Variants in APOB observed in about 807,000 individuals in gnomAD.
The protein encoded by APOB is apolipoprotein B.
APOB carries 153 observed loss-of-function variants against 314.1 expected under a neutral mutation model. The observed-to-expected ratio is 0.49, with a 90% confidence interval of 0.43 to 0.56. APOB has a LOEUF of 0.56. Ranked by LOEUF, APOB falls within the 20% of genes least tolerant of loss-of-function variation. The pLI is 0.00. For synonymous variants in APOB, 2,087 were observed against 2,036.4 expected, an observed-to-expected ratio of 1.02 and a Z score of -0.67; for missense variants, 5,430 against 5,350.7, an observed-to-expected ratio of 1.01 and a Z score of -0.46.
At chr2:21,017,298 C>G (rs964633701) in intron 20 of APOB, among the ~76,000 whole-genome samples, 6 of 152,054 alleles carry the variant, frequency 3.9e-5, no homozygotes, top group African/African-American at 1.4e-4. Flanking sequence ...TTTCATGGGG[C>G]TTACCTTCTA....
At position 21,014,964 on chromosome 2, in the gene APOB, G is replaced by A. The variant is rs923129248; in HGVS notation, c.3696+109C>T. 14 of 1,180,482 alleles carry A rather than the reference G, an allele frequency of 1.2e-5. No homozygotes were observed. The African/African-American group carries it at 2.1e-4, about 18-fold the overall frequency. 73.1% of individuals were successfully genotyped at this position (1,180,482 alleles called of 1,614,324 possible). The stretch of plus-strand genomic sequence containing the variant: ...CTCCCCAAGAATTCCCTGGGGGGAA[G>A]GAAGCATGCCTTATACATCTTTGGA... On this transcript the variant is annotated intron_variant, in intron 23 of 28. Transcript: ENST00000233242.
Position 21,006,689 on chromosome 2 carries a change from C to T in APOB, c.10179G>A (p.Leu3393=), listed in dbSNP as rs753783331. Residue 3393 remains leucine (L), a synonymous_variant, in exon 26 of 29, where the codon TTG becomes TTA. Coordinates refer to ENST00000233242, the MANE Select transcript of APOB (RefSeq NM_000384.3). The stretch of plus-strand genomic sequence containing the variant: ...TCAGAGACAGAGCTGTGGCTAACTT[C>T]AATCCCCTTTTTCTTGTCAATCTTG... ...GTTRLTRKRG[L]KLATALSLSN... 1.2e-6 allele frequency: 2 copies of T among 1,614,050 alleles called. No homozygotes were observed. The highest frequency in any genetic ancestry group is 2.2e-5 in the East Asian group (1 of 44,878).
chr2:21,039,796 T>A lies in APOB; in HGVS notation c.383+1142A>T, dbSNP rs12714248. 3.8e-3 allele frequency among the ~76,000 whole-genome samples: 580 copies of A among 152,242 alleles called. 5 individuals are homozygous for A. The highest frequency in any genetic ancestry group is 0.013 in the African/African-American group (553 of 41,540). ...GACCAAAAAATAAACCACTCTTTCC[T>A]CCTGCCACCATACCCCTCTCCCTCA... On this transcript the variant is annotated intron_variant, in intron 4 of 28. Coordinates refer to ENST00000233242, the MANE Select transcript of APOB (RefSeq NM_000384.3).
At chr2:21,031,998 G>T (rs1263738494) in intron 10 of APOB, among the ~76,000 whole-genome samples, 1 of 152,170 alleles carries the variant, frequency 6.6e-6, no homozygotes, top group African/African-American at 2.4e-5. Context: ...ACTTTGAAAT[G>T]CTTCAGAAAA....
In APOB at chr2:21,026,785, C is replaced by T. The variant is rs12714189; in HGVS notation, c.2244+3G>A. 2,507 of 1,611,938 alleles carry T rather than the reference C, an allele frequency of 1.6e-3. 38 individuals carry two copies. The African/African-American group carries it at 0.03, about 19-fold the overall frequency. On this transcript the variant is annotated splice_donor_region_variant and intron_variant, in intron 15 of 28. Coordinates refer to ENST00000233242, the MANE Select transcript of APOB (RefSeq NM_000384.3). ...CTTAAGAAGATACTTCACAAATACA[C>T]ACCTGCTCATGTTTATCATCTTTGG...
Position 21,033,419 on chromosome 2 carries a change from A to G in APOB, c.1004T>C (p.Leu335Pro), listed in dbSNP as rs759295942. The change falls in exon 9 of 29, where the codon CTA (leucine) becomes CCA (proline). Residue 335 changes from leucine to proline, a missense_variant. Coordinates refer to ENST00000233242, the MANE Select transcript of APOB (RefSeq NM_000384.3). ...CTGGATATTTTGCTCAGAGATGGTT[A>G]GTTTTTTCAGTTCCTGGAGAGTCTT... ...VLKTLQELKK[L>P]TISEQNIQRA... 1.8e-5 allele frequency: 29 copies of G among 1,614,066 alleles called. No homozygotes were observed. The highest frequency in any genetic ancestry group is 2.5e-5 in the Non-Finnish European group (29 of 1,180,026).
Position 21,032,419 on chromosome 2 carries a change from G to A in APOB, c.1287C>T (p.Ile429=). The change falls in exon 10 of 29, where the codon ATC becomes ATT. Residue 429 remains isoleucine (I), a synonymous_variant. Transcript: ENST00000233242. ...PEPSAQQLRE[I]FNMARDQRSR... is the part of the protein sequence containing the mutation. ...TGCGCTGATCCCTCGCCATGTTGAA[G>A]ATCTCTCGCAGCTGCTGTGCTGAGG... is the stretch of plus-strand genomic sequence containing the variant. 3.1e-6 allele frequency: 5 copies of A among 1,614,122 alleles called. No individual in the cohort carries two copies. Among genetic ancestry groups the A allele is most frequent in the Non-Finnish European group, 4.2e-6 (5 of 1,180,036 alleles).
In APOB at chr2:21,010,602, A is replaced by G. The variant is rs754282762; in HGVS notation, c.6266T>C (p.Ile2089Thr). 1.2e-6 allele frequency: 2 copies of G among 1,614,116 alleles called. No individual in the cohort carries two copies. Among genetic ancestry groups the G allele is most frequent in the Non-Finnish European group, 1.7e-6 (2 of 1,179,992 alleles). The change falls in exon 26 of 29, where the codon ATA (isoleucine) becomes ACA (threonine). Residue 2089 changes from isoleucine to threonine, a missense_variant. Coordinates refer to ENST00000233242, the MANE Select transcript of APOB (RefSeq NM_000384.3). Reference sequence around the variant, plus strand: ...TCTCTGTACGTTTTCCAGTACAACTATAATGGTTTGTCGATTCCTCTCAAA... The same window carrying G: ...TCTCTGTACGTTTTCCAGTACAACTGTAATGGTTTGTCGATTCCTCTCAAA... Reference protein sequence around the residue: ...EYFERNRQTIIVVLENVQRNL... With the variant: ...EYFERNRQTITVVLENVQRNL...
chr2:21,007,687 G>A lies in APOB; in HGVS notation c.9181C>T (p.Pro3061Ser). ...TCTATCTTCCCTGTTAACCTTAATG[G>A]AAAACGAACTTTCAAATTCCCTTCA... ...NNEGNLKVRFPLRLTGKIDFL... is the reference protein window; with the variant it reads ...NNEGNLKVRFSLRLTGKIDFL... Residue 3061 changes from proline (P) to serine (S), a missense_variant, in exon 26 of 29, where the codon CCA becomes TCA. Around this residue, in one of 3 missense-constraint regions of APOB, gnomAD observed 3,281 missense variants for 3,171.0 expected, o/e 1.03. Coordinates refer to ENST00000233242, the MANE Select transcript of APOB (RefSeq NM_000384.3). 1.9e-6 allele frequency: 3 copies of A among 1,614,054 alleles called. No homozygotes were observed. The highest frequency in any genetic ancestry group is 2.5e-6 in the Non-Finnish European group (3 of 1,179,946).
intron 12 of APOB, 120 bp downstream of exon 12, chr2:21,029,519 G>T: frequency 9.4e-7 from 1 of 1,059,524 alleles, no homozygotes. Flanking sequence ...AAGGAAGGAA[G>T]GAAAGGAAAG....
Position 21,026,414 on chromosome 2 carries a change from GT to G in APOB, c.2244+373del, listed in dbSNP as rs1246264413. Among the ~76,000 whole-genome samples the G allele has an allele frequency of 7.9e-5, 12 of 151,936 alleles. No homozygotes were observed. In the South Asian group the frequency reaches 1.7e-3, roughly 21 times the overall value. On this transcript the variant is annotated intron_variant, in intron 15 of 28. Coordinates refer to ENST00000233242, the MANE Select transcript of APOB (RefSeq NM_000384.3). ...AGGCACCCACTACCATGCCCAGCTA[GT>G]TTTTTTGTATTTTTAGTAGAGACGG...
chr2:21,034,920 C>A lies in APOB; in HGVS notation c.819-19G>T, dbSNP rs778307932. The A allele has an allele frequency of 2.4e-6, 3 of 1,261,180 alleles. No individual in the cohort carries two copies. In the South Asian group the frequency reaches 3.6e-5, roughly 15 times the overall value. 78.1% of individuals were successfully genotyped at this position (1,261,180 alleles called of 1,614,324 possible). A position where few individuals can be genotyped will look rare whatever the true frequency, so the allele number is the denominator to read the frequency against. ...CTTATTCCTGGTAACCAAGGAAGCACACCATGTCACGGATGGCCAGAACAT... is the reference window on the plus strand; with the variant it reads ...CTTATTCCTGGTAACCAAGGAAGCAAACCATGTCACGGATGGCCAGAACAT... On this transcript the variant is annotated intron_variant, in intron 7 of 28. Coordinates refer to ENST00000233242, the MANE Select transcript of APOB (RefSeq NM_000384.3).
At position 21,034,844 on chromosome 2, in the gene APOB, T is replaced by C; in HGVS notation, c.876A>G (p.Pro292=). ...CACCAAAGAAGCGGCTGTTGATCTT[T>C]GGTGTGTCTTCAAGTTTCAAAGTCT... ...VTQTLKLEDT[P]KINSRFFGEG... The change falls in exon 8 of 29, where the codon CCA becomes CCG. Residue 292 remains proline, a synonymous_variant. Transcript: ENST00000233242. 1.2e-6 allele frequency: 2 copies of C among 1,605,652 alleles called. No homozygotes were observed. The highest frequency in any genetic ancestry group is 1.7e-6 in the Non-Finnish European group (2 of 1,172,250).
At chr2:21,032,307 A>C in intron 10 of APOB, 47 bp downstream of exon 10, 2 of 1,522,508 alleles carry the variant, frequency 1.3e-6, no homozygotes, top group Non-Finnish European at 1.8e-6. Flanking sequence ...CAGAGGTGCA[A>C]GATGTTCCTC....
At chr2:21,042,550 G>A (rs986130355) in intron 2 of APOB, 74 bp from the exon 3 acceptor site, 10 of 1,027,858 alleles carry the variant, frequency 9.7e-6, no homozygotes, top group Non-Finnish European at 1.5e-5. Context: ...TGGGCAGAGA[G>A]GGGCAGTGGC....
rs533864403 is a variant in APOB, at chr2:21,032,237, A to G, written c.1352+117T>C. The G allele has an allele frequency of 6.6e-6, 6 of 907,854 alleles. No homozygotes were observed. In the East Asian group the frequency reaches 1.5e-4, roughly 22 times the overall value. 56.2% of individuals were successfully genotyped at this position (907,854 alleles called of 1,614,324 possible). The stretch of plus-strand genomic sequence containing the variant: ...CCCAAAAATGATCAAGAAAAAACAC[A>G]AGAGTAAGGAGCAGAGTTTGAAAGT... On this transcript the variant is annotated intron_variant, in intron 10 of 28. Transcript: ENST00000233242.
At position 21,040,952 on chromosome 2, in the gene APOB, A is replaced by C. The variant is rs1572804051; in HGVS notation, c.369T>G (p.Ala123=). 1.9e-6 allele frequency: 3 copies of C among 1,613,998 alleles called. No individual in the cohort carries two copies. Among genetic ancestry groups the C allele is most frequent in the East Asian group, 2.2e-5 (1 of 44,896 alleles). ...ACATGACTTACCTGGACATGGCTGC[A>C]GCAAACTCCTCAGAGTTCTTGGTTT... ...LKKTKNSEEF[A]AAMSRYELKL... Residue 123 remains alanine, a synonymous_variant, in exon 4 of 29, where the codon GCT becomes GCG. Transcript: ENST00000233242.
At position 21,015,405 on chromosome 2, in the gene APOB, C is replaced by T. The variant is rs1465111409; in HGVS notation, c.3473G>A (p.Gly1158Asp). 2 of 1,614,152 alleles carry T rather than the reference C, an allele frequency of 1.2e-6. No individual in the cohort carries two copies. The highest frequency in any genetic ancestry group is 1.7e-6 in the Non-Finnish European group (2 of 1,180,034). The change falls in exon 22 of 29, where the codon GGC becomes GAC. Residue 1158 changes from glycine (G) to aspartate (D), a missense_variant. Gly to Asp is a moderately conservative substitution (Grantham distance 94). This residue lies in a region of APOB where 2,085 missense variants were observed against 2,079.7 expected (regional missense o/e 1.00). Transcript: ENST00000233242. ...LQMDSSATAY[G>D]STVSKRVAWH... ...TGCCACCCTCTTGGAAACTGTGGAGCCATAAGCTGTAGCAGATGAGTCCAT... is the reference window on the plus strand; with the variant it reads ...TGCCACCCTCTTGGAAACTGTGGAGTCATAAGCTGTAGCAGATGAGTCCAT...
rs778641719 is a variant in APOB at position 21,012,534 on chromosome 2, T to C, written c.4334A>G (p.Asn1445Ser). Residue 1445 changes from asparagine to serine, a missense_variant, in exon 26 of 29, where the codon AAC becomes AGC. Transcript: ENST00000233242. ...IKFSHVEKLG[N>S]NPVSKGLLIF... ...TAGTAAACCTTTTGAGACTGGGTTGTTTCCAAGTTTTTCTACATGACTGAA... is the reference window on the plus strand; with the variant it reads ...TAGTAAACCTTTTGAGACTGGGTTGCTTCCAAGTTTTTCTACATGACTGAA... 3.3e-5 allele frequency: 53 copies of C among 1,614,112 alleles called. No homozygotes were observed. Among genetic ancestry groups the C allele is most frequent in the Non-Finnish European group, 2.5e-5 (30 of 1,180,050 alleles).
Sources: gnomAD v4.1 joint callset for allele counts (sites outside exome capture counted in the v4.1 genomes callset) on GRCh38, gnomAD v4.1.1 for gene constraint, gnomAD v4.1.1 regional missense constraint, MANE v1.5 for transcripts, NCBI Gene and HGNC (gene_info 2026-07-23, HGNC 2026-07-21) for gene names.